TDP1: variants seen among roughly 807,000 people sequenced by gnomAD.
The protein encoded by TDP1 is tyr-DNA phosphodiesterase 1.
Under a neutral mutation model 81.5 loss-of-function variants are expected in TDP1, and 64 were observed. That is an observed-to-expected ratio of 0.79 (90% CI 0.64 to 0.97). TDP1 has a LOEUF of 0.97. TDP1 is among the 50% of genes least tolerant of loss of function. The probability of loss-of-function intolerance (pLI) is 0.00; values close to 1 mark genes in which losing one functional copy is unlikely to be tolerated. For missense variants in TDP1, 723 were observed against 743.8 expected (o/e 0.97, Z 0.33); for synonymous variants, 256 against 264.3 (o/e 0.97, Z 0.30).
chr14:89,980,439 T>G (rs1894837946), intron 7 of TDP1, 101 bp from the exon 8 acceptor site: 1 of 1,427,548 alleles, frequency 7.0e-7, no homozygotes. Flanking sequence ...ATATGAGAGT[T>G]TAAAAAAATT....
intron 5 of TDP1, among the ~76,000 whole-genome samples, chr14:89,969,876 C>CTTTTTT (rs5810477): frequency 2.4e-5 from 3 of 122,854 alleles, no homozygotes; most frequent in African/African-American, 3.1e-5. Flanking sequence ...ATACTTATTT[C>CTTTTTT]TTTTTTTTTT....
In TDP1 at chr14:89,963,203, CCTCTT is replaced by C. The variant is rs776376668; in HGVS notation, c.99_103del (p.Leu34CysfsTer8). 4 of 1,614,122 alleles carry C rather than the reference CCTCTT, an allele frequency of 2.5e-6. No individual in the cohort carries two copies. In the South Asian group the frequency reaches 3.3e-5, roughly 13 times the overall value. On this transcript the variant is annotated frameshift_variant, in exon 3 of 17. Transcript: ENST00000335725. LOFTEE classifies it high-confidence loss of function. ...AAGCCAAAACCAGACAAGCCATCTA[CCTCTT>C]CTCTTCTCTGTGCCAGGCAAGGAGC... is the stretch of plus-strand genomic sequence containing the variant.
intron 7 of TDP1, among the ~76,000 whole-genome samples, chr14:89,978,789 CTG>C (rs1057349529): frequency 4.6e-4 from 70 of 152,276 alleles, no homozygotes; most frequent in Middle Eastern, 3.4e-3. Context: ...GATTTGGCAA[CTG>C]TGTATGTAAA....
intron 15 of TDP1, among the ~76,000 whole-genome samples, chr14:90,026,164 C>T (rs1361673406): frequency 6.6e-6 from 1 of 152,242 alleles, no homozygotes; most frequent in Non-Finnish European, 1.5e-5. Context: ...TACATGCACT[C>T]TTATGATGTG....
Position 89,972,099 on chromosome 14 carries a change from TGTTA to T in TDP1, c.756+832_756+835del, listed in dbSNP as rs577696963. On this transcript the variant is annotated intron_variant, in intron 6 of 16. Coordinates refer to ENST00000335725, the MANE Select transcript of TDP1 (RefSeq NM_018319.4). Reference sequence around the variant, plus strand: ...CAAAGCAAAGCAGAAAAGAAAGCTATGTTAGTTTGTTCTTGCACCGCTATGAAGA... The same window carrying T: ...CAAAGCAAAGCAGAAAAGAAAGCTATGTTTGTTCTTGCACCGCTATGAAGA... 2.1e-3 allele frequency among the ~76,000 whole-genome samples: 320 copies of T among 152,308 alleles called. 2 individuals carry two copies. Among genetic ancestry groups the T allele is most frequent in the African/African-American group, 7.3e-3 (303 of 41,570 alleles).
chr14:89,990,288 G>A (rs1182034402), intron 12 of TDP1, among the ~76,000 whole-genome samples: 1 of 152,136 alleles, frequency 6.6e-6, no homozygotes, highest in East Asian at 1.9e-4. Context: ...TGTCAACGCT[G>A]TCCCTTTCCC....
intron 16 of TDP1, among the ~76,000 whole-genome samples, chr14:90,035,323 A>G (rs1369836540): frequency 6.6e-6 from 1 of 152,162 alleles, no homozygotes; most frequent in East Asian, 1.9e-4. Flanking sequence ...TCTCCTTTCT[A>G]AAGTGTGGAA....
chr14:90,038,488 C>G (rs1888035655), intron 16 of TDP1, among the ~76,000 whole-genome samples: 1 of 152,172 alleles, frequency 6.6e-6, no homozygotes, highest in South Asian at 2.1e-4. Flanking sequence ...CTAAGGGAAA[C>G]TAAGTTGATT....
chr14:89,978,149 A>G (rs1894565846), intron 7 of TDP1, among the ~76,000 whole-genome samples: 3 of 151,852 alleles, frequency 2.0e-5, no homozygotes, highest in African/African-American at 7.3e-5. Context: ...GTCTCCCCCC[A>G]CCTCACCTAC....
intron 15 of TDP1, among the ~76,000 whole-genome samples, chr14:90,026,608 C>T (rs1420118139): frequency 6.6e-6 from 1 of 152,196 alleles, no homozygotes; most frequent in East Asian, 1.9e-4. Context: ...CATCCCTCCC[C>T]CTCCCCCTGC....
At chr14:89,982,965 G>A (rs1179259136) in intron 8 of TDP1, 2 of 360,890 alleles carry the variant, frequency 5.5e-6, no homozygotes, top group African/African-American at 4.3e-5. Flanking sequence ...TTTAAAATTA[G>A]AACAAGAGTT....
At chr14:89,969,173 C>G (rs1893295141) in intron 5 of TDP1, among the ~76,000 whole-genome samples, 1 of 152,170 alleles carries the variant, frequency 6.6e-6, no homozygotes, top group African/African-American at 2.4e-5. Flanking sequence ...CAATATATTG[C>G]TGTTGTCTAA....
At chr14:89,994,365 AT>A (rs1262297560) in intron 14 of TDP1, among the ~76,000 whole-genome samples, 4 of 152,156 alleles carry the variant, frequency 2.6e-5, no homozygotes, top group African/African-American at 9.7e-5. Context: ...CAGCTTGGAG[AT>A]TTAGTAAGAC....
At chr14:89,968,695 C>G (rs1174001786) in intron 5 of TDP1, among the ~76,000 whole-genome samples, 1 of 152,218 alleles carries the variant, frequency 6.6e-6, no homozygotes, top group African/African-American at 2.4e-5. Context: ...GGCTCCTCCT[C>G]GCAGTAGTAT....
chr14:89,955,371 C>T (rs539934418), upstream of TDP1: 5 of 152,326 alleles, frequency 3.3e-5, no homozygotes, highest in African/African-American at 9.6e-5. Context: ...TAAACAGCAC[C>T]GAGCCCAAAT....
In TDP1 at chr14:89,989,782, CTG is replaced by C; in HGVS notation, c.1366+19_1366+20del. The stretch of plus-strand genomic sequence containing the variant: ...GATATCCTGGTAATTCTTGGGGAGA[CTG>C]TCTTGATTGTGTTTTATGTATATTT... On this transcript the variant is annotated intron_variant, in intron 12 of 16. Coordinates refer to ENST00000335725, the MANE Select transcript of TDP1 (RefSeq NM_018319.4). The C allele has an allele frequency of 6.9e-6, 11 of 1,591,414 alleles. No homozygotes were observed. The highest frequency in any genetic ancestry group is 8.6e-6 in the Non-Finnish European group (10 of 1,159,542).
intron 16 of TDP1, 82 bp from the exon 17 acceptor site, chr14:90,042,988 A>T (rs149789906): frequency 3.1e-6 from 5 of 1,609,428 alleles, no homozygotes; most frequent in Admixed American, 1.7e-5. Context: ...AGTCAAGCAC[A>T]TAAGTGTTTT....
intron 16 of TDP1, among the ~76,000 whole-genome samples, chr14:90,039,095 A>C (rs1330493916): frequency 1.3e-5 from 2 of 152,210 alleles, no homozygotes; most frequent in African/African-American, 4.8e-5. Flanking sequence ...TTTTGAAATA[A>C]ATAAGTACTG....
At chr14:90,042,957 A>T in intron 16 of TDP1, 113 bp from the exon 17 acceptor site, 1 of 1,575,244 alleles carries the variant, frequency 6.3e-7, no homozygotes, top group Non-Finnish European at 8.6e-7. Flanking sequence ...GGTTCAGAAA[A>T]TACTCTACCA....
Sources: allele counts gnomAD v4.1 joint callset (sites outside exome capture counted in the v4.1 genomes callset), GRCh38; gene constraint gnomAD v4.1.1; transcripts MANE v1.5; gene names NCBI Gene and HGNC (gene_info 2026-07-23, HGNC 2026-07-21).